ZFHX3: variants seen among roughly 807,000 people sequenced by gnomAD.
ZFHX3 encodes zinc finger homeobox 3, also known as zinc finger homeobox protein 3.
ZFHX3 carries 42 observed loss-of-function variants against 279.1 expected under a neutral mutation model. That is an observed-to-expected ratio of 0.15 (90% confidence interval 0.12 to 0.19). The LOEUF (loss-of-function observed/expected upper bound fraction) is 0.19, where lower values mean the gene tolerates loss of function less well. Ranked by LOEUF, ZFHX3 falls within the 10% of genes least tolerant of loss-of-function variation. The pLI is 1.00. For missense variants in ZFHX3, 4,981 were observed against 4,754.0 expected (o/e 1.05, Z -1.40); for synonymous variants, 2,293 against 1,957.8 (o/e 1.17, Z -4.52).
At position 72,889,915 on chromosome 16, in the gene ZFHX3, G is replaced by A. The variant is rs2144075919; in HGVS notation, c.3264C>T (p.Tyr1088=). ...ESGVEGESCY[Y]HCVLCNYSTK... ...TGGAGTAGTTGCACAGAACGCAGTG[G>A]TAGTAGCAGCTCTCACCTTCTACAC... Residue 1088 remains tyrosine, a synonymous_variant, in exon 4 of 10, where the codon TAC becomes TAT. Transcript: ENST00000268489. 6.2e-7 allele frequency: 1 copy of A among 1,614,172 alleles called. No homozygotes were observed. Among genetic ancestry groups the A allele is most frequent in the Non-Finnish European group, 8.5e-7 (1 of 1,180,038 alleles).
At chr16:73,257,899 C>A (rs890412300) in intron 4 of ZFHX3, among the ~76,000 whole-genome samples, 1 of 152,168 alleles carries the variant, frequency 6.6e-6, no homozygotes, top group African/African-American at 2.4e-5. Flanking sequence ...TTCTCAACTT[C>A]AACAGTAGAT....
chr16:73,242,010 T>C (rs1308716507), intron 5 of ZFHX3, among the ~76,000 whole-genome samples: 1 of 152,096 alleles, frequency 6.6e-6, no homozygotes, highest in Non-Finnish European at 1.5e-5. Flanking sequence ...TTAAATGAGA[T>C]AACAATGTCA....
chr16:72,862,474 C>G (rs1007003800), intron 4 of ZFHX3, among the ~76,000 whole-genome samples: 1 of 152,092 alleles, frequency 6.6e-6, no homozygotes, highest in East Asian at 1.9e-4. Flanking sequence ...AAGGAGTAGC[C>G]CAGCTAATAA....
rs34324522 is a variant in ZFHX3, at chr16:73,866,169, ATTTTTTTTT to A, written c.-1608+25473_-1608+25481del. Among the ~76,000 whole-genome samples, 101 of 74,640 alleles carry A rather than the reference ATTTTTTTTT, an allele frequency of 1.4e-3. 1 individual carries two copies. The highest frequency in any genetic ancestry group is 6.1e-3 in the South Asian group (12 of 1,968). 49.0% of individuals were successfully genotyped at this position (74,640 alleles called of 152,430 possible). ...AGGTGCACACCACTATGCCAGGCTA[ATTTTTTTTT>A]TTTTTTTTTTTTTTTTTTTGAGACA... On this transcript the variant is annotated intron_variant, in intron 1 of 17. Transcript: ENST00000641206.
chr16:73,516,637 T>A, intron 2 of ZFHX3, among the ~76,000 whole-genome samples: 1 of 152,164 alleles, frequency 6.6e-6, no homozygotes, highest in East Asian at 1.9e-4. Context: ...AGAACCAATA[T>A]ACCCCAAACC....
At chr16:73,532,794 T>C (rs535379080) in intron 2 of ZFHX3, among the ~76,000 whole-genome samples, 63 of 152,332 alleles carry the variant, frequency 4.1e-4, no homozygotes, top group Admixed American at 5.2e-4. Context: ...GTGGAGATAA[T>C]TGAATCATGG....
At chr16:73,084,916 A>C (rs1440753012) in intron 8 of ZFHX3, among the ~76,000 whole-genome samples, 1 of 152,238 alleles carries the variant, frequency 6.6e-6, no homozygotes, top group African/African-American at 2.4e-5. Flanking sequence ...CAAAAAGATC[A>C]AAGATAGCCC....
chr16:72,974,308 C>CA (rs1469472205), intron 1 of ZFHX3, among the ~76,000 whole-genome samples: 1 of 152,188 alleles, frequency 6.6e-6, no homozygotes, highest in Non-Finnish European at 1.5e-5. Context: ...TACGTCCTCG[C>CA]AATGATTCCG....
chr16:73,418,960 C>G (rs531879355), intron 3 of ZFHX3, among the ~76,000 whole-genome samples: 9 of 152,174 alleles, frequency 5.9e-5, no homozygotes, highest in African/African-American at 1.9e-4. Flanking sequence ...ATCCTGAAAT[C>G]TCGTGGAAGA....
intron 4 of ZFHX3, among the ~76,000 whole-genome samples, chr16:73,290,939 G>A (rs1567441558): frequency 6.6e-6 from 1 of 152,164 alleles, no homozygotes; most frequent in African/African-American, 2.4e-5. Context: ...TAGAAAACAT[G>A]GCCTTGGGAA....
intron 3 of ZFHX3, among the ~76,000 whole-genome samples, chr16:73,433,958 G>A (rs190654307): frequency 2.0e-5 from 3 of 152,312 alleles, no homozygotes; most frequent in African/African-American, 7.2e-5. Flanking sequence ...GACCCCACAG[G>A]TGGCTTAGTT....
At chr16:72,851,826 CAGGTGT>C (rs1441265154) in intron 4 of ZFHX3, among the ~76,000 whole-genome samples, 1 of 152,206 alleles carries the variant, frequency 6.6e-6, no homozygotes, top group African/African-American at 2.4e-5. Flanking sequence ...GCTGAGATTA[CAGGTGT>C]GAGCCACCGC....
At chr16:73,857,099 G>C (rs1194095430) in intron 1 of ZFHX3, among the ~76,000 whole-genome samples, 1 of 152,160 alleles carries the variant, frequency 6.6e-6, no homozygotes, top group Non-Finnish European at 1.5e-5. Context: ...GATTATCTGA[G>C]GGATTTCCAT....
chr16:73,115,267 G>A (rs184967553), intron 7 of ZFHX3, among the ~76,000 whole-genome samples: 1 of 151,048 alleles, frequency 6.6e-6, no homozygotes, highest in East Asian at 2.0e-4. Context: ...CAGGCCAGGC[G>A]TGATGGCTCA....
chr16:73,847,168 G>A (rs1278541784), intron 1 of ZFHX3, among the ~76,000 whole-genome samples: 2 of 152,196 alleles, frequency 1.3e-5, no homozygotes, highest in Middle Eastern at 6.3e-3. Flanking sequence ...AGGCATGGAG[G>A]CGCAGGCCTG....
intron 3 of ZFHX3, among the ~76,000 whole-genome samples, chr16:72,913,407 A>G (rs536293195): frequency 7.9e-4 from 121 of 152,342 alleles, no homozygotes; most frequent in Admixed American, 1.4e-3. Flanking sequence ...GCAGGTCAGT[A>G]GAGGACCCCT....
At chr16:72,897,344 A>C (rs958525858) in intron 3 of ZFHX3, among the ~76,000 whole-genome samples, 4 of 152,156 alleles carry the variant, frequency 2.6e-5, no homozygotes, top group Non-Finnish European at 4.4e-5. Flanking sequence ...CTAATTCCTC[A>C]ACTTGATAAG....
intron 7 of ZFHX3, chr16:72,807,964 T>C (rs1346922097): frequency 6.6e-5 from 10 of 152,186 alleles, no homozygotes. Flanking sequence ...TCCTTAATGA[T>C]ATGGTTTAGA....
At chr16:72,889,609 G>C (rs1390506360) in intron 4 of ZFHX3, 122 bp downstream of exon 4, 1 of 902,350 alleles carries the variant, frequency 1.1e-6, no homozygotes, top group African/African-American at 1.7e-5. Flanking sequence ...TGTGAAGTCA[G>C]TAAGGAACAT....
Sources: allele counts gnomAD v4.1 joint callset (sites outside exome capture counted in the v4.1 genomes callset), GRCh38; gene constraint gnomAD v4.1.1; transcripts MANE v1.5; gene names NCBI Gene and HGNC (gene_info 2026-07-23, HGNC 2026-07-21).